JARID2: variants seen among roughly 807,000 people sequenced by gnomAD.
JARID2 encodes protein Jumonji.
A neutral mutation model predicts 125.6 loss-of-function variants in JARID2; 21 were observed. That is an observed-to-expected ratio of 0.17 (90% CI 0.12 to 0.24). The LOEUF is 0.24. Ranked by LOEUF, JARID2 falls within the 10% of genes least tolerant of loss-of-function variation. The pLI is 1.00. For missense variants in JARID2, 1,303 were observed against 1,639.6 expected, an observed-to-expected ratio of 0.79 and a Z score of 3.55; for synonymous variants, 736 against 661.6, an observed-to-expected ratio of 1.11 and a Z score of -1.73.
chr6:15,486,011 C>T (rs1769848909), intron 5 of JARID2, among the ~76,000 whole-genome samples: 1 of 152,144 alleles, frequency 6.6e-6, no homozygotes, highest in African/African-American at 2.4e-5. Flanking sequence ...TCTGCCAGTC[C>T]TGGTTGGGGT....
At chr6:15,466,314 A>G (rs908307702) in intron 4 of JARID2, among the ~76,000 whole-genome samples, 1 of 152,236 alleles carries the variant, frequency 6.6e-6, no homozygotes, top group African/African-American at 2.4e-5. Context: ...CTACACAAGA[A>G]CCTGCTGTTT....
chr6:15,493,200 G>A (rs963839761), intron 6 of JARID2, among the ~76,000 whole-genome samples: 2 of 152,062 alleles, frequency 1.3e-5, no homozygotes, highest in African/African-American at 2.4e-5. Flanking sequence ...TTTGGACAGC[G>A]GTGTTAGGGA....
chr6:15,513,314 T>TGGC lies in JARID2; in HGVS notation c.3343_3345dup (p.Gly1115dup). 1.2e-6 allele frequency: 2 copies of TGGC among 1,609,702 alleles called. No individual in the cohort carries two copies. The highest frequency in any genetic ancestry group is 1.7e-6 in the Non-Finnish European group (2 of 1,178,508). ...CCTCCGCACGCTATGGCAGCCACGATGGCAGCAGCACGGTGGCGGACGGGA... is the reference window on the plus strand; with the variant it reads ...CCTCCGCACGCTATGGCAGCCACGATGGCGGCAGCAGCACGGTGGCGGACGGGA... On this transcript the variant is annotated inframe_insertion, in exon 16 of 18. Transcript: ENST00000341776.
chr6:15,413,471 T>C (rs1378679275), intron 3 of JARID2, among the ~76,000 whole-genome samples: 2 of 152,234 alleles, frequency 1.3e-5, no homozygotes, highest in African/African-American at 2.4e-5. Flanking sequence ...CAGAAATTTA[T>C]TGGCTTACAT....
rs755892589 is a variant in JARID2, at chr6:15,487,507, C to G, written c.871C>G (p.Pro291Ala). 70 of 1,613,752 alleles carry G rather than the reference C, an allele frequency of 4.3e-5. No homozygotes were observed. Among genetic ancestry groups the G allele is most frequent in the Middle Eastern group, 3.3e-4 (2 of 6,080 alleles). The change falls in exon 6 of 18, where the codon CCT becomes GCT. Residue 291 changes from proline to alanine, a missense_variant. By Grantham distance (27) the Pro-to-Ala change is conservative. Transcript: ENST00000341776. ...KGLAATHHHP[P>A]LHRSAQDLRK... ...GCTTGCTGCCACCCATCACCACCCCCCTCTGCATCGGTCGGCTCAGGACTT... is the reference window on the plus strand; with the variant it reads ...GCTTGCTGCCACCCATCACCACCCCGCTCTGCATCGGTCGGCTCAGGACTT...
chr6:15,284,579 C>G (rs758395334), intron 1 of JARID2, among the ~76,000 whole-genome samples: 1 of 150,956 alleles, frequency 6.6e-6, no homozygotes, highest in Non-Finnish European at 1.5e-5. Context: ...GGCGCGATTC[C>G]GGGTTCCAGC....
At chr6:15,493,726 T>G (rs528318616) in intron 6 of JARID2, among the ~76,000 whole-genome samples, 25 of 152,068 alleles carry the variant, frequency 1.6e-4, no homozygotes, top group Non-Finnish European at 3.4e-4. Context: ...GTTTACTGTT[T>G]GCTTTTGTTT....
intron 12 of JARID2, 29 bp from the exon 13 acceptor site, chr6:15,511,267 C>A: frequency 1.3e-6 from 2 of 1,513,490 alleles, no homozygotes; most frequent in Non-Finnish European, 1.8e-6. Flanking sequence ...CAAGTCTCTG[C>A]TTGTCTCTTG....
chr6:15,321,740 T>G (rs1762362284), intron 1 of JARID2, among the ~76,000 whole-genome samples: 1 of 151,390 alleles, frequency 6.6e-6, no homozygotes, highest in South Asian at 2.1e-4. Flanking sequence ...TAATAGAGTG[T>G]GAGTTAGAAT....
intron 2 of JARID2, among the ~76,000 whole-genome samples, chr6:15,394,860 G>A (rs186391549): frequency 6.6e-6 from 1 of 152,156 alleles, no homozygotes; most frequent in East Asian, 1.9e-4. Context: ...CTACCCCAGC[G>A]GCTTCATGCA....
At chr6:15,314,683 AACAGTGTCACAG>A (rs1762122619) in intron 1 of JARID2, among the ~76,000 whole-genome samples, 1 of 152,220 alleles carries the variant, frequency 6.6e-6, no homozygotes, top group African/African-American at 2.4e-5. Context: ...CTTGCCTTGG[AACAGTGTCACAG>A]ACAATCCATG....
At chr6:15,400,108 A>G (rs962532088) in intron 2 of JARID2, among the ~76,000 whole-genome samples, 3 of 152,192 alleles carry the variant, frequency 2.0e-5, no homozygotes, top group African/African-American at 4.8e-5. Context: ...TCTGTGAAAG[A>G]TCCTCAAGAA....
intron 1 of JARID2, chr6:15,247,719 C>G: frequency 2.0e-6 from 2 of 985,282 alleles, no homozygotes; most frequent in Non-Finnish European, 2.4e-6. Context: ...AATGGAAAAG[C>G]TGAATGCCTC....
intron 5 of JARID2, among the ~76,000 whole-genome samples, chr6:15,482,188 G>T (rs1769651160): frequency 6.6e-6 from 1 of 152,224 alleles, no homozygotes; most frequent in Non-Finnish European, 1.5e-5. Context: ...CACCGAACAG[G>T]TGACTCCTGT....
intron 1 of JARID2, among the ~76,000 whole-genome samples, chr6:15,343,907 T>C (rs1014580657): frequency 1.3e-5 from 2 of 152,172 alleles, no homozygotes; most frequent in African/African-American, 4.8e-5. Context: ...ATGCTACTTT[T>C]AGATTTACCT....
intron 3 of JARID2, among the ~76,000 whole-genome samples, chr6:15,437,548 G>A (rs909800758): frequency 1.3e-5 from 2 of 151,986 alleles, no homozygotes; most frequent in Non-Finnish European, 2.9e-5. Flanking sequence ...TAGAAGAAAC[G>A]TATTTTAAAA....
At chr6:15,414,916 C>A (rs1766068068) in intron 3 of JARID2, among the ~76,000 whole-genome samples, 1 of 152,120 alleles carries the variant, frequency 6.6e-6, no homozygotes, top group South Asian at 2.1e-4. Flanking sequence ...AGCAGATAAA[C>A]AAGTGAACAA....
chr6:15,466,900 G>A (rs1581604103), intron 4 of JARID2, among the ~76,000 whole-genome samples: 2 of 152,050 alleles, frequency 1.3e-5, no homozygotes, highest in Admixed American at 6.5e-5. Flanking sequence ...CCTTCTTTCT[G>A]TCCAGAATCT....
chr6:15,441,654 G>A (rs555967400), intron 3 of JARID2, among the ~76,000 whole-genome samples: 1 of 152,204 alleles, frequency 6.6e-6, no homozygotes. Flanking sequence ...TTTGTGCTTT[G>A]GTCTGTCGTG....
Sources: allele counts gnomAD v4.1 joint callset (sites outside exome capture counted in the v4.1 genomes callset), GRCh38; gene constraint gnomAD v4.1.1; transcripts MANE v1.5; gene names NCBI Gene and HGNC (gene_info 2026-07-23, HGNC 2026-07-21).